Variants in LRRC37A2 observed in about 807,000 individuals in gnomAD.
LRRC37A2 encodes the protein leucine-rich repeat-containing protein 37A2.
LRRC37A2 carries 9 observed loss-of-function variants against 68.8 expected under a neutral mutation model. The ratio of observed to expected loss-of-function variants is 0.13; its 90% CI spans 0.08 to 0.23. LRRC37A2 has a LOEUF of 0.23. Ranked by LOEUF, LRRC37A2 falls within the 10% of genes least tolerant of loss-of-function variation. The pLI is 1.00. For synonymous variants in LRRC37A2, 63 were observed against 367.6 expected (o/e 0.17, Z 9.48); for missense variants, 168 against 950.4 (o/e 0.18, Z 10.82).
At chr17:47,000,488 G>T in the LRRC37A2 span, among the ~76,000 whole-genome samples, 1 of 151,958 alleles carries the variant, frequency 6.6e-6, no homozygotes, top group Non-Finnish European at 1.5e-5. Flanking sequence ...GCCCACCTTG[G>T]CCTCCCAAAG....
At chr17:46,636,984 A>G in the LRRC37A2 span, among the ~76,000 whole-genome samples, 1 of 152,116 alleles carries the variant, frequency 6.6e-6, no homozygotes, top group African/African-American at 2.4e-5. Context: ...CCTCCCAAGA[A>G]GCTGGGACTA....
chr17:46,782,071 C>T, the LRRC37A2 span, among the ~76,000 whole-genome samples: 3 of 152,210 alleles, frequency 2.0e-5, no homozygotes, highest in Non-Finnish European at 2.9e-5. Flanking sequence ...CCAGGGGCTG[C>T]GGCCCAGGGA....
chr17:46,911,110 T>A, the LRRC37A2 span, among the ~76,000 whole-genome samples: 1 of 152,226 alleles, frequency 6.6e-6, no homozygotes, highest in Non-Finnish European at 1.5e-5. Context: ...TGGAAAGCCC[T>A]TTCATGCCCC....
At chr17:46,903,992 C>A in the LRRC37A2 span, among the ~76,000 whole-genome samples, 3 of 145,284 alleles carry the variant, frequency 2.1e-5, no homozygotes, top group South Asian at 2.2e-4. Flanking sequence ...GGCTGGCTGG[C>A]TAGGTGGATG....
At chr17:46,868,089 A>G in the LRRC37A2 span, among the ~76,000 whole-genome samples, 44 of 152,260 alleles carry the variant, frequency 2.9e-4, no homozygotes, top group East Asian at 6.2e-3. Context: ...GGAATAGTGG[A>G]GGTAGCTGGG....
the LRRC37A2 span, among the ~76,000 whole-genome samples, chr17:46,914,015 T>G: frequency 6.6e-6 from 1 of 152,202 alleles, no homozygotes; most frequent in African/African-American, 2.4e-5. Context: ...TGCCTCGGCC[T>G]CCCAAAGTGC....
the LRRC37A2 span, among the ~76,000 whole-genome samples, chr17:46,709,227 A>G: frequency 6.6e-6 from 1 of 152,174 alleles, no homozygotes; most frequent in Non-Finnish European, 1.5e-5. Flanking sequence ...ACTTTTAAAT[A>G]TAAAATAATC....
chr17:47,018,063 T>C, the LRRC37A2 span: 3 of 1,513,672 alleles, frequency 2.0e-6, no homozygotes, highest in South Asian at 2.2e-5. Context: ...GGATCAAGCT[T>C]ATTATCACTT....
At chr17:47,000,063 T>TATAAAATAAAATA in the LRRC37A2 span, among the ~76,000 whole-genome samples, 1 of 17,728 alleles carries the variant, frequency 5.6e-5, no homozygotes, top group Admixed American at 9.2e-4. Context: ...TAAAATAAAA[T>TATAAAATAAAATA]TAAAATAAAA....
At chr17:46,537,020 G>T (rs1211796147) in intron 6 of LRRC37A2, among the ~76,000 whole-genome samples, 1 of 53,296 alleles carries the variant, frequency 1.9e-5, no homozygotes, top group Non-Finnish European at 3.1e-5. Context: ...ATGCTCCTTG[G>T]GTTGCTGCAA....
chr17:46,927,785 A>T, the LRRC37A2 span, among the ~76,000 whole-genome samples: 1 of 152,118 alleles, frequency 6.6e-6, no homozygotes, highest in Non-Finnish European at 1.5e-5. Flanking sequence ...TCATAATGGC[A>T]GGTGGGACAA....
At chr17:46,984,550 TC>T in the LRRC37A2 span, among the ~76,000 whole-genome samples, 1 of 152,200 alleles carries the variant, frequency 6.6e-6, no homozygotes, top group Admixed American at 6.5e-5. Flanking sequence ...ATCTGGGCAG[TC>T]CGGCTGCCCC....
At chr17:46,997,928 C>A in the LRRC37A2 span, among the ~76,000 whole-genome samples, 1 of 150,854 alleles carries the variant, frequency 6.6e-6, no homozygotes, top group Non-Finnish European at 1.5e-5. Context: ...TGAGATCGCA[C>A]CACTGCACTC....
chr17:46,385,084 A>G, the LRRC37A2 span, among the ~76,000 whole-genome samples: 2 of 92,620 alleles, frequency 2.2e-5, no homozygotes, highest in African/African-American at 7.7e-5. Flanking sequence ...TTGACAAGCA[A>G]TGAAACTACC....
the LRRC37A2 span, among the ~76,000 whole-genome samples, chr17:46,865,749 G>C: frequency 6.6e-6 from 1 of 152,196 alleles, no homozygotes; most frequent in Admixed American, 6.5e-5. Flanking sequence ...GGAACCACAG[G>C]CACGTGCCAC....
the LRRC37A2 span, among the ~76,000 whole-genome samples, chr17:46,784,550 G>A: frequency 6.6e-6 from 1 of 152,170 alleles, no homozygotes; most frequent in Admixed American, 6.5e-5. Context: ...GGGGGCCAAG[G>A]GGCAGCCAGC....
At chr17:46,841,406 T>C in the LRRC37A2 span, among the ~76,000 whole-genome samples, 1 of 152,128 alleles carries the variant, frequency 6.6e-6, no homozygotes, top group African/African-American at 2.4e-5. Context: ...GCATCGATAT[T>C]CATCACCGAG....
chr17:46,967,582 G>C, the LRRC37A2 span, among the ~76,000 whole-genome samples: 3 of 152,204 alleles, frequency 2.0e-5, no homozygotes, highest in Non-Finnish European at 2.9e-5. Flanking sequence ...CATGGAGTGT[G>C]AACTCTGCAG....
At chr17:46,873,774 G>A in the LRRC37A2 span, among the ~76,000 whole-genome samples, 4 of 150,792 alleles carry the variant, frequency 2.7e-5, no homozygotes, top group African/African-American at 7.5e-5. Context: ...TTGAGAGGCC[G>A]AGGTCAGGAG....
Sources: allele counts gnomAD v4.1 joint callset (sites outside exome capture counted in the v4.1 genomes callset), GRCh38; gene constraint gnomAD v4.1.1; transcripts MANE v1.5; gene names NCBI Gene and HGNC (gene_info 2026-07-23, HGNC 2026-07-21).